Variants in THSD4 observed in about 807,000 individuals in gnomAD.
THSD4 encodes thrombospondin type 1 domain containing 4.
Under a neutral mutation model 119.0 loss-of-function variants are expected in THSD4, and 69 were observed. That is an observed-to-expected ratio of 0.58 (90% CI 0.48 to 0.71). The LOEUF (loss-of-function observed/expected upper bound fraction) is 0.71, where lower values mean the gene tolerates loss of function less well. THSD4 is among the 30% of genes least tolerant of loss of function. THSD4 has a pLI of 0.00. For missense variants in THSD4, 1,393 were observed against 1,391.1 expected, an observed-to-expected ratio of 1.00 and a Z score of -0.02; for synonymous variants, 524 against 540.4, an observed-to-expected ratio of 0.97 and a Z score of 0.42.
chr15:71,545,309 A>G (rs373648234), intron 7 of THSD4, among the ~76,000 whole-genome samples: 42 of 152,294 alleles, frequency 2.8e-4, no homozygotes, highest in African/African-American at 1.0e-3. Flanking sequence ...AGACAGGTCA[A>G]AAGATTGCAG....
Position 71,242,690 on chromosome 15 carries a change from A to G in THSD4, c.506A>G (p.Tyr169Cys), listed in dbSNP as rs751589218. The G allele has an allele frequency of 1.2e-5, 20 of 1,614,030 alleles. No individual in the cohort carries two copies. The highest frequency in any genetic ancestry group is 8.3e-5 in the Admixed American group (5 of 59,998). ...RGTIGPGKYGYGKAPYILPLQ... is the reference protein window; with the variant it reads ...RGTIGPGKYGCGKAPYILPLQ... The stretch of plus-strand genomic sequence containing the variant: ...ACCATTGGCCCTGGCAAGTATGGCT[A>G]TGGTAAGGCCCCATATATCTTACCA... The change falls in exon 5 of 18, where the codon TAT becomes TGT. Residue 169 changes from tyrosine to cysteine, a missense_variant. Transcript: ENST00000261862.
chr15:71,697,412 G>A (rs1213277448), intron 8 of THSD4, among the ~76,000 whole-genome samples: 2 of 152,188 alleles, frequency 1.3e-5, no homozygotes, highest in East Asian at 3.9e-4. Context: ...GTTCATTTCA[G>A]GACAACTCTT....
At chr15:71,547,524 C>T in intron 7 of THSD4, 1 of 1,545,994 alleles carries the variant, frequency 6.5e-7, no homozygotes, top group Non-Finnish European at 8.7e-7. Flanking sequence ...TATTTTTTTT[C>T]AGCATTATAT....
chr15:71,431,380 G>A (rs1047035166), intron 7 of THSD4, among the ~76,000 whole-genome samples: 16 of 152,144 alleles, frequency 1.1e-4, no homozygotes, highest in African/African-American at 3.4e-4. Flanking sequence ...CAGGGTAGCT[G>A]TCAGAAGCTT....
chr15:71,590,925 G>A (rs2049784839), intron 7 of THSD4, among the ~76,000 whole-genome samples: 1 of 142,096 alleles, frequency 7.0e-6, no homozygotes, highest in Admixed American at 7.5e-5. Context: ...AGAATGGCTT[G>A]AACCCGGGAG....
intron 7 of THSD4, among the ~76,000 whole-genome samples, chr15:71,462,472 A>G (rs1238445312): frequency 1.3e-5 from 2 of 152,240 alleles, no homozygotes; most frequent in African/African-American, 2.4e-5. Flanking sequence ...CTCTCAATGA[A>G]TGCAGACATA....
chr15:71,256,494 A>T, intron 5 of THSD4, 119 bp from the exon 6 acceptor site: 1 of 639,474 alleles, frequency 1.6e-6, no homozygotes, highest in Non-Finnish European at 2.2e-6. Flanking sequence ...AAAAATAAAT[A>T]AATAAAGAAT....
intron 1 of THSD4, chr15:71,110,365 C>A (rs1190535878): frequency 6.6e-6 from 1 of 152,134 alleles, no homozygotes; most frequent in African/African-American, 2.4e-5. Flanking sequence ...TTCTCCCTCT[C>A]CCTTTGGAAA....
At chr15:71,672,394 G>T (rs1212072364) in intron 8 of THSD4, among the ~76,000 whole-genome samples, 1 of 152,164 alleles carries the variant, frequency 6.6e-6, no homozygotes, top group Non-Finnish European at 1.5e-5. Context: ...GGGCTGAGAC[G>T]ATGGGGTTTT....
At chr15:71,551,044 G>A (rs2048918696) in intron 7 of THSD4, among the ~76,000 whole-genome samples, 1 of 152,152 alleles carries the variant, frequency 6.6e-6, no homozygotes, top group Admixed American at 6.5e-5. Context: ...AATGTTCTAT[G>A]AGCCACCTGT....
At chr15:71,363,721 G>A (rs892811441) in intron 6 of THSD4, among the ~76,000 whole-genome samples, 1 of 152,114 alleles carries the variant, frequency 6.6e-6, no homozygotes, top group Non-Finnish European at 1.5e-5. Flanking sequence ...TCAGGTATGC[G>A]GAAAGGAATT....
At position 71,551,166 on chromosome 15, in the gene THSD4, T is replaced by G. The variant is rs149038149; in HGVS notation, c.1153-109364T>G. Among the ~76,000 whole-genome samples the G allele has an allele frequency of 1.7e-4, 26 of 152,352 alleles. No individual in the cohort carries two copies. The East Asian group carries it at 5.0e-3, about 29-fold the overall frequency. On this transcript the variant is annotated intron_variant, in intron 7 of 17. Transcript: ENST00000261862. ...TAATGAAATGACTACCAGGATATGC[T>G]TTTAGGTAGGAAAAGCAAATTGAAT...
intron 6 of THSD4, among the ~76,000 whole-genome samples, chr15:71,271,107 T>G (rs565195917): frequency 1.3e-5 from 2 of 152,220 alleles, no homozygotes; most frequent in East Asian, 3.9e-4. Flanking sequence ...CATCATTTAA[T>G]AAAAATTAAT....
At chr15:71,548,831 G>A (rs2048882334) in intron 7 of THSD4, among the ~76,000 whole-genome samples, 1 of 152,200 alleles carries the variant, frequency 6.6e-6, no homozygotes, top group Admixed American at 6.5e-5. Flanking sequence ...CGAGAGGAGA[G>A]CTCATATGGA....
intron 6 of THSD4, among the ~76,000 whole-genome samples, chr15:71,348,906 A>C (rs1227581048): frequency 6.6e-6 from 1 of 152,208 alleles, no homozygotes; most frequent in Non-Finnish European, 1.5e-5. Context: ...TCTCATTTGG[A>C]TATGCAGGTT....
intron 7 of THSD4, among the ~76,000 whole-genome samples, chr15:71,617,986 G>C (rs973456177): frequency 1.3e-5 from 2 of 152,148 alleles, no homozygotes; most frequent in African/African-American, 2.4e-5. Flanking sequence ...GATGTCCAAA[G>C]ACTCCAAACA....
chr15:71,397,222 T>G (rs2046465674), intron 6 of THSD4, among the ~76,000 whole-genome samples: 1 of 152,186 alleles, frequency 6.6e-6, no homozygotes, highest in Non-Finnish European at 1.5e-5. Context: ...GCCTGGAATG[T>G]TCCTCCTTCC....
Position 71,674,186 on chromosome 15 carries a change from A to T in THSD4, c.1357+13452A>T, listed in dbSNP as rs528224618. On this transcript the variant is annotated intron_variant, in intron 8 of 17. Transcript: ENST00000261862. ...ACTCCCCCAGCCCTAGGCTGCATCC[A>T]GTGGTCTAAGTGGCATTCCTCTGCT... Among the ~76,000 whole-genome samples the T allele has an allele frequency of 2.0e-5, 3 of 152,196 alleles. No individual in the cohort carries two copies. In the South Asian group the frequency reaches 6.2e-4, roughly 32 times the overall value.
At chr15:71,633,269 C>CTTTTTTTTTTTTTTTTT (rs67682951) in intron 7 of THSD4, among the ~76,000 whole-genome samples, 9 of 63,154 alleles carry the variant, frequency 1.4e-4, no homozygotes, top group Non-Finnish European at 2.7e-4. Flanking sequence ...TTCTTTCTTT[C>CTTTTTTTTTTTTTTTTT]TTTTTTTTTT....
Sources: gnomAD v4.1 joint callset for allele counts (sites outside exome capture counted in the v4.1 genomes callset) on GRCh38, gnomAD v4.1.1 for gene constraint, MANE v1.5 for transcripts, NCBI Gene and HGNC (gene_info 2026-07-23, HGNC 2026-07-21) for gene names.